TMEM117: variants seen among roughly 807,000 people sequenced by gnomAD.
The protein encoded by TMEM117 is transmembrane protein 117.
In TMEM117, 27 loss-of-function variants were observed where a neutral mutation model predicts 52.4. The ratio of observed to expected loss-of-function variants is 0.51; its 90% CI spans 0.38 to 0.71. The LOEUF (loss-of-function observed/expected upper bound fraction) is 0.71. Among genes scored for constraint, TMEM117 ranks in the 30% least tolerant of loss-of-function variants. The pLI is 0.00. For synonymous variants in TMEM117, 215 were observed against 206.3 expected (o/e 1.04, Z -0.36); for missense variants, 556 against 630.5 (o/e 0.88, Z 1.26).
chr12:44,066,018 C>T (rs1471028856), intron 3 of TMEM117, among the ~76,000 whole-genome samples: 4 of 152,112 alleles, frequency 2.6e-5, no homozygotes, highest in Non-Finnish European at 5.9e-5. Context: ...GAGACTAGTG[C>T]AGCAGTGGTG....
chr12:44,234,575 A>C (rs1949971771), intron 5 of TMEM117, among the ~76,000 whole-genome samples: 1 of 150,784 alleles, frequency 6.6e-6, no homozygotes, highest in Non-Finnish European at 1.5e-5. Flanking sequence ...ATTTTATTGC[A>C]TGTTTCTTTA....
chr12:43,952,209 C>A (rs1340329645), intron 3 of TMEM117, among the ~76,000 whole-genome samples: 2 of 152,086 alleles, frequency 1.3e-5, no homozygotes, highest in African/African-American at 4.8e-5. Flanking sequence ...TGCTGAAAAT[C>A]CCGGAAGCCG....
At chr12:43,958,386 C>A (rs1279204249) in intron 3 of TMEM117, among the ~76,000 whole-genome samples, 4 of 152,026 alleles carry the variant, frequency 2.6e-5, no homozygotes, top group Non-Finnish European at 4.4e-5. Flanking sequence ...GGAAAAGTTC[C>A]ATTTTTCTTG....
At chr12:44,380,914 C>T (rs1274251205) in intron 7 of TMEM117, among the ~76,000 whole-genome samples, 2 of 152,192 alleles carry the variant, frequency 1.3e-5, no homozygotes, top group Non-Finnish European at 2.9e-5. Context: ...GCAAAATTCT[C>T]TCTCCCAATG....
chr12:44,292,515 T>C (rs1183073881), intron 5 of TMEM117, among the ~76,000 whole-genome samples: 1 of 152,036 alleles, frequency 6.6e-6, no homozygotes, highest in Non-Finnish European at 1.5e-5. Flanking sequence ...TTTAGTTTGT[T>C]CTTCTTTTCC....
At chr12:44,232,209 G>T (rs897620149) in intron 5 of TMEM117, among the ~76,000 whole-genome samples, 5 of 151,348 alleles carry the variant, frequency 3.3e-5, no homozygotes, top group African/African-American at 1.2e-4. Context: ...GAACAAAAAG[G>T]TTCTAAAGTT....
intron 5 of TMEM117, among the ~76,000 whole-genome samples, chr12:44,280,201 C>T (rs1240916519): frequency 6.6e-6 from 1 of 152,086 alleles, no homozygotes; most frequent in Non-Finnish European, 1.5e-5. Flanking sequence ...TTCCTATCTC[C>T]AGCTGACTGT....
chr12:44,116,826 CTG>C (rs1208588013), intron 3 of TMEM117, among the ~76,000 whole-genome samples: 1 of 152,206 alleles, frequency 6.6e-6, no homozygotes, highest in Admixed American at 6.5e-5. Context: ...AAGACTTTAA[CTG>C]TGTCCCCACC....
intron 3 of TMEM117, among the ~76,000 whole-genome samples, chr12:44,099,162 G>A (rs1001314072): frequency 2.6e-4 from 40 of 151,982 alleles, no homozygotes; most frequent in African/African-American, 8.7e-4. Context: ...TTTCTAAAGA[G>A]ATCTTAAGTA....
the TMEM117 span, among the ~76,000 whole-genome samples, chr12:43,805,190 T>C: frequency 2.6e-5 from 4 of 152,256 alleles, no homozygotes; most frequent in African/African-American, 9.6e-5. Flanking sequence ...ATTTCGTTCC[T>C]GTGTTGTCTA....
At chr12:44,161,197 A>T in intron 4 of TMEM117, among the ~76,000 whole-genome samples, 1 of 152,154 alleles carries the variant, frequency 6.6e-6, no homozygotes, top group East Asian at 1.9e-4. Context: ...TTGTGACTAT[A>T]ATTGTGTTTT....
Position 43,951,676 on chromosome 12 carries a change from C to T in TMEM117, c.410+7334C>T, listed in dbSNP as rs535853287. Among the ~76,000 whole-genome samples, 26 of 152,252 alleles carry T rather than the reference C, an allele frequency of 1.7e-4. 1 individual carries two copies. Among genetic ancestry groups the T allele is most frequent in the Non-Finnish European group, 2.6e-4 (18 of 68,020 alleles). On this transcript the variant is annotated intron_variant, in intron 3 of 7. Coordinates refer to ENST00000266534, the MANE Select transcript of TMEM117 (RefSeq NM_032256.3). ...CAGAGCACCTGTGGGGAGGGGTGGC[C>T]GTGGTCTCAGGTTCAGCGGGCTTAA... is the stretch of plus-strand genomic sequence containing the variant.
At chr12:44,212,110 GT>G (rs1156483538) in intron 5 of TMEM117, among the ~76,000 whole-genome samples, 1 of 152,124 alleles carries the variant, frequency 6.6e-6, no homozygotes, top group African/African-American at 2.4e-5. Context: ...CTTATCTATG[GT>G]TTTGCTTTCC....
intron 5 of TMEM117, among the ~76,000 whole-genome samples, chr12:44,260,109 C>T (rs369840245): frequency 1.2e-4 from 19 of 152,168 alleles, no homozygotes; most frequent in African/African-American, 3.9e-4. Context: ...GTACAAGAAG[C>T]GTCTTTCCAT....
chr12:44,040,880 A>G (rs1946786421), intron 3 of TMEM117, among the ~76,000 whole-genome samples: 1 of 152,210 alleles, frequency 6.6e-6, no homozygotes, highest in African/African-American at 2.4e-5. Context: ...TGAGATGGTC[A>G]TATACTATAT....
chr12:44,389,587 T>G lies in TMEM117; in HGVS notation c.*915T>G, dbSNP rs1952144663. 6.6e-6 allele frequency: 1 copy of G among 152,532 alleles called. No individual in the cohort carries two copies. Among genetic ancestry groups the G allele is most frequent in the South Asian group, 2.1e-4 (1 of 4,830 alleles). 9.4% of individuals were successfully genotyped at this position (152,532 alleles called of 1,614,324 possible). On this transcript the variant is annotated 3_prime_UTR_variant, in exon 8 of 8. Coordinates refer to ENST00000266534, the MANE Select transcript of TMEM117 (RefSeq NM_032256.3). ...TCTGGATAGTGAAAATTGAAAAACA[T>G]ATGCCAACCCTGAGCAAGGGAACTC...
chr12:43,818,501 T>C, the TMEM117 span, among the ~76,000 whole-genome samples: 1 of 151,864 alleles, frequency 6.6e-6, no homozygotes, highest in East Asian at 1.9e-4. Flanking sequence ...AGTGTAGTGG[T>C]GCAATCTTGG....
chr12:43,882,106 A>G (rs937625540), intron 2 of TMEM117, among the ~76,000 whole-genome samples: 2 of 151,992 alleles, frequency 1.3e-5, no homozygotes, highest in African/African-American at 4.8e-5. Context: ...CAACAACAAC[A>G]ACAAAGACTT....
intron 6 of TMEM117, among the ~76,000 whole-genome samples, chr12:44,305,559 C>T (rs1232700797): frequency 6.6e-6 from 1 of 151,456 alleles, no homozygotes; most frequent in East Asian, 1.9e-4. Context: ...AAAAAATGCT[C>T]ATCATCACTA....
Sources: allele counts gnomAD v4.1 joint callset (sites outside exome capture counted in the v4.1 genomes callset), GRCh38; gene constraint gnomAD v4.1.1; transcripts MANE v1.5; gene names NCBI Gene and HGNC (gene_info 2026-07-23, HGNC 2026-07-21).